The following CPA6 variants were observed in gnomAD, a reference collection of about 807,000 sequenced individuals.
The protein encoded by CPA6 is carboxypeptidase A6, also known as carboxypeptidase B.
CPA6 carries 58 observed loss-of-function variants against 63.3 expected under a neutral mutation model. That is an observed-to-expected ratio of 0.92 (90% CI 0.74 to 1.14). CPA6 has a LOEUF of 1.14. Among genes scored for constraint, CPA6 ranks in the 50% most tolerant of loss-of-function variants. The pLI is 0.00. For synonymous variants in CPA6, 185 were observed against 179.0 expected, an observed-to-expected ratio of 1.03 and a Z score of -0.27; for missense variants, 565 against 526.6, an observed-to-expected ratio of 1.07 and a Z score of -0.71.
intron 8 of CPA6, among the ~76,000 whole-genome samples, chr8:67,449,049 C>T (rs919481993): frequency 2.0e-5 from 3 of 151,928 alleles, no homozygotes; most frequent in Admixed American, 6.6e-5. Context: ...GCCAGGAATT[C>T]GAGACCAGCC....
At chr8:67,517,076 G>A (rs775748650) in intron 3 of CPA6, among the ~76,000 whole-genome samples, 25 of 151,908 alleles carry the variant, frequency 1.6e-4, no homozygotes, top group Middle Eastern at 3.4e-3. Flanking sequence ...GATTCCAGGC[G>A]TGAGCCACCG....
intron 10 of CPA6, among the ~76,000 whole-genome samples, chr8:67,422,962 C>T (rs1270999743): frequency 2.0e-5 from 3 of 152,212 alleles, no homozygotes; most frequent in Non-Finnish European, 2.9e-5. Context: ...ATTCCAAAAA[C>T]GTTTATGTTC....
chr8:67,578,338 A>C (rs1271755810), intron 2 of CPA6, among the ~76,000 whole-genome samples: 1 of 152,258 alleles, frequency 6.6e-6, no homozygotes, highest in Non-Finnish European at 1.5e-5. Context: ...TGAAGATCTA[A>C]AATGAATGAT....
At chr8:67,723,419 G>T (rs1817538749) in intron 1 of CPA6, among the ~76,000 whole-genome samples, 1 of 152,082 alleles carries the variant, frequency 6.6e-6, no homozygotes, top group African/African-American at 2.4e-5. Context: ...AACCCTCTTT[G>T]GCCTCCCAAA....
At chr8:67,725,944 A>T (rs1817588321) in intron 1 of CPA6, among the ~76,000 whole-genome samples, 1 of 151,952 alleles carries the variant, frequency 6.6e-6, no homozygotes. Context: ...TTTGAAGATA[A>T]TTTTTTTTCT....
At chr8:67,423,316 C>A (rs1218325449) in intron 10 of CPA6, among the ~76,000 whole-genome samples, 2 of 152,208 alleles carry the variant, frequency 1.3e-5, no homozygotes, top group African/African-American at 4.8e-5. Context: ...AACTCCTGGG[C>A]TCAACTGATC....
intron 8 of CPA6, among the ~76,000 whole-genome samples, chr8:67,481,831 C>T (rs1386296998): frequency 6.6e-6 from 1 of 152,192 alleles, no homozygotes; most frequent in Non-Finnish European, 1.5e-5. Flanking sequence ...GGGAGGGAGG[C>T]AGGTCACACT....
At chr8:67,548,304 C>A (rs560708643) in intron 2 of CPA6, among the ~76,000 whole-genome samples, 9 of 149,228 alleles carry the variant, frequency 6.0e-5, no homozygotes, top group African/African-American at 2.2e-4. Context: ...CAGCCTGGAG[C>A]ACAGCGGCAT....
intron 2 of CPA6, among the ~76,000 whole-genome samples, chr8:67,590,053 C>T (rs1397183386): frequency 2.6e-5 from 4 of 151,448 alleles, no homozygotes; most frequent in African/African-American, 9.7e-5. Context: ...CCCCACCCCA[C>T]AACAGTCCCC....
chr8:67,617,870 C>T (rs1441240486), intron 2 of CPA6, among the ~76,000 whole-genome samples: 1 of 152,188 alleles, frequency 6.6e-6, no homozygotes, highest in African/African-American at 2.4e-5. Context: ...TTAGATAGTT[C>T]TCAGCAGCTA....
At chr8:67,734,979 A>G (rs1358941043) in intron 1 of CPA6, among the ~76,000 whole-genome samples, 3 of 152,186 alleles carry the variant, frequency 2.0e-5, no homozygotes, top group Admixed American at 2.0e-4. Flanking sequence ...AAGTGCAAAC[A>G]TAGACCAGGG....
intron 8 of CPA6, among the ~76,000 whole-genome samples, chr8:67,448,690 GA>G (rs1563957225): frequency 9.8e-6 from 1 of 101,746 alleles, no homozygotes; most frequent in African/African-American, 4.8e-5. Flanking sequence ...GAAAGAAAAA[GA>G]AAAAAAAGAA....
chr8:67,673,385 T>TTATTATTTA (rs1251575325), intron 1 of CPA6, among the ~76,000 whole-genome samples: 2 of 133,250 alleles, frequency 1.5e-5, no homozygotes, highest in African/African-American at 6.7e-5. Flanking sequence ...TTATTATTTA[T>TTATTATTTA]TTATTTTTTT....
intron 1 of CPA6, among the ~76,000 whole-genome samples, chr8:67,682,270 T>G (rs768347791): frequency 2.0e-5 from 3 of 152,250 alleles, no homozygotes; most frequent in Non-Finnish European, 2.9e-5. Flanking sequence ...TCTATTGCCA[T>G]GGCTTCTTCA....
chr8:67,617,917 C>T (rs543418437), intron 2 of CPA6, among the ~76,000 whole-genome samples: 10 of 143,944 alleles, frequency 6.9e-5, no homozygotes, highest in Admixed American at 7.2e-5. Context: ...GGGCAGTTCA[C>T]GGCATGGCTG....
At chr8:67,708,363 A>C (rs574128647) in intron 1 of CPA6, among the ~76,000 whole-genome samples, 6 of 152,334 alleles carry the variant, frequency 3.9e-5, no homozygotes, top group African/African-American at 1.4e-4. Flanking sequence ...ATTATGTTTC[A>C]AGAACAATTG....
Position 67,719,023 on chromosome 8 carries a change from A to G in CPA6, c.116+26991T>C, listed in dbSNP as rs140819637. ...GGAAAAGCTGAGTCTGGCTGCCAAT[A>G]TTTTTTTTTCTCTTATTCTTTTGGG... On this transcript the variant is annotated intron_variant, in intron 1 of 10. Transcript: ENST00000297770. 5.8e-3 allele frequency among the ~76,000 whole-genome samples: 884 copies of G among 151,572 alleles called. 11 individuals carry two copies. The highest frequency in any genetic ancestry group is 0.02 in the African/African-American group (827 of 41,306).
At chr8:67,512,493 G>A (rs1472364118) in intron 3 of CPA6, among the ~76,000 whole-genome samples, 1 of 152,236 alleles carries the variant, frequency 6.6e-6, no homozygotes, top group Non-Finnish European at 1.5e-5. Context: ...GGAAATTAAA[G>A]GCTGAGGCCA....
intron 2 of CPA6, among the ~76,000 whole-genome samples, chr8:67,539,164 C>T (rs1011115371): frequency 6.6e-6 from 1 of 152,132 alleles, no homozygotes; most frequent in African/African-American, 2.4e-5. Flanking sequence ...TTTAGTTCTT[C>T]CTTCAGGAGC....
Sources: gnomAD v4.1 joint callset for allele counts (sites outside exome capture counted in the v4.1 genomes callset) on GRCh38, gnomAD v4.1.1 for gene constraint, MANE v1.5 for transcripts, NCBI Gene and HGNC (gene_info 2026-07-23, HGNC 2026-07-21) for gene names.